Variants in POU6F2 observed in about 807,000 individuals in gnomAD.
POU6F2 encodes the protein POU class 6 homeobox 2.
POU6F2 carries 31 observed loss-of-function variants against 71.3 expected under a neutral mutation model. The ratio of observed to expected loss-of-function variants is 0.43; its 90% CI spans 0.33 to 0.59. The LOEUF (loss-of-function observed/expected upper bound fraction) is 0.59, where lower values mean the gene tolerates loss of function less well. Among genes scored for constraint, POU6F2 ranks in the 20% least tolerant of loss-of-function variants. POU6F2 has a pLI of 0.04. For synonymous variants in POU6F2, 347 were observed against 355.7 expected, an observed-to-expected ratio of 0.98 and a Z score of 0.27; for missense variants, 783 against 856.8, an observed-to-expected ratio of 0.91 and a Z score of 1.07.
At chr7:39,153,763 T>C (rs1792806743) in intron 2 of POU6F2, among the ~76,000 whole-genome samples, 1 of 152,094 alleles carries the variant, frequency 6.6e-6, no homozygotes, top group South Asian at 2.1e-4. Context: ...AATGTAAAAA[T>C]CAGTACTGTA....
intron 1 of POU6F2, among the ~76,000 whole-genome samples, chr7:39,026,931 C>G (rs575535631): frequency 6.6e-6 from 1 of 152,128 alleles, no homozygotes; most frequent in South Asian, 2.1e-4. Flanking sequence ...AATTGCCAAA[C>G]TACATAACAG....
chr7:38,982,322 A>C (rs554369605), intron 1 of POU6F2, among the ~76,000 whole-genome samples: 8 of 152,280 alleles, frequency 5.3e-5, no homozygotes, highest in African/African-American at 1.9e-4. Context: ...TTTATTGAGA[A>C]TACTTTTTCC....
intron 4 of POU6F2, among the ~76,000 whole-genome samples, chr7:39,295,320 G>C (rs906105431): frequency 2.6e-5 from 4 of 152,132 alleles, no homozygotes; most frequent in African/African-American, 9.7e-5. Flanking sequence ...ACAATAAGAA[G>C]TTGGATATGG....
intron 1 of POU6F2, among the ~76,000 whole-genome samples, chr7:39,015,577 A>G (rs1173226957): frequency 2.8e-5 from 3 of 107,230 alleles, no homozygotes; most frequent in South Asian, 5.6e-4. Flanking sequence ...TTATAGATAT[A>G]TCTATGTTTT....
chr7:39,049,748 A>T (rs1449029179), intron 1 of POU6F2, among the ~76,000 whole-genome samples: 4 of 152,014 alleles, frequency 2.6e-5, no homozygotes, highest in African/African-American at 9.7e-5. Flanking sequence ...TTGGATTTTT[A>T]AAATAATTTC....
At chr7:39,250,810 T>C (rs1479606145) in intron 4 of POU6F2, among the ~76,000 whole-genome samples, 1 of 152,194 alleles carries the variant, frequency 6.6e-6, no homozygotes, top group Admixed American at 6.5e-5. Context: ...AAAATTATCT[T>C]TATATAAAAG....
intron 5 of POU6F2, among the ~76,000 whole-genome samples, chr7:39,389,571 G>T (rs1372833246): frequency 6.6e-6 from 1 of 152,148 alleles, no homozygotes; most frequent in Non-Finnish European, 1.5e-5. Context: ...GGTTAAAAAA[G>T]AAGCTGTGGT....
intron 1 of POU6F2, among the ~76,000 whole-genome samples, chr7:39,042,024 T>C (rs1386531674): frequency 6.6e-6 from 1 of 151,952 alleles, no homozygotes; most frequent in African/African-American, 2.4e-5. Context: ...TGACACAGCC[T>C]CTTGTCTTCT....
chr7:39,165,439 G>A (rs563993002), intron 2 of POU6F2, among the ~76,000 whole-genome samples: 5 of 152,218 alleles, frequency 3.3e-5, no homozygotes, highest in African/African-American at 1.2e-4. Flanking sequence ...AGCCAATAGT[G>A]GCAGTTTCGT....
chr7:39,380,724 C>T (rs1207290827), intron 5 of POU6F2, among the ~76,000 whole-genome samples: 2 of 152,160 alleles, frequency 1.3e-5, no homozygotes, highest in African/African-American at 4.8e-5. Flanking sequence ...GAAAAGCTGC[C>T]GAAGTGCTGC....
intron 4 of POU6F2, among the ~76,000 whole-genome samples, chr7:39,285,131 C>T (rs1784630253): frequency 6.6e-6 from 1 of 152,232 alleles, no homozygotes; most frequent in Non-Finnish European, 1.5e-5. Context: ...ATCCCCAAGT[C>T]TTCAGACTCC....
chr7:39,056,373 T>C (rs1449514859), intron 1 of POU6F2, among the ~76,000 whole-genome samples: 3 of 152,196 alleles, frequency 2.0e-5, no homozygotes, highest in Admixed American at 6.5e-5. Context: ...TCTTGTTTTA[T>C]AGAGGTTATT....
chr7:39,286,141 G>C (rs912309510), intron 4 of POU6F2, among the ~76,000 whole-genome samples: 1 of 152,182 alleles, frequency 6.6e-6, no homozygotes, highest in Admixed American at 6.5e-5. Context: ...TGGGAAGTGG[G>C]AAGTGGGGAG....
At chr7:39,461,592 C>A (rs1210155386) in intron 9 of POU6F2, among the ~76,000 whole-genome samples, 1 of 152,146 alleles carries the variant, frequency 6.6e-6, no homozygotes, top group Non-Finnish European at 1.5e-5. Flanking sequence ...TTTTTATCTG[C>A]TCTTTATACT....
At chr7:39,216,195 G>T (rs757427502) in intron 4 of POU6F2, among the ~76,000 whole-genome samples, 2 of 152,142 alleles carry the variant, frequency 1.3e-5, no homozygotes, top group Non-Finnish European at 2.9e-5. Context: ...ATGACAAGGC[G>T]CTGTGTCCAA....
chr7:39,108,114 A>G (rs1266067230), intron 2 of POU6F2, among the ~76,000 whole-genome samples: 2 of 152,202 alleles, frequency 1.3e-5, no homozygotes, highest in Non-Finnish European at 2.9e-5. Flanking sequence ...GTTATTTAAC[A>G]TGGGATCCTC....
At position 39,464,267 on chromosome 7, in the gene POU6F2, C is replaced by G. The variant is rs771026663; in HGVS notation, c.1744C>G (p.Pro582Ala). 4.3e-6 allele frequency: 7 copies of G among 1,614,016 alleles called. No individual in the cohort carries two copies. The highest frequency in any genetic ancestry group is 1.1e-5 in the South Asian group (1 of 91,086). Residue 582 changes from proline (P) to alanine (A), a missense_variant, in exon 10 of 10, where the codon CCT becomes GCT. Around this residue, in one of 2 missense-constraint regions of POU6F2, gnomAD observed 211 missense variants for 283.9 expected, o/e 0.74. Coordinates refer to ENST00000518318, the MANE Select transcript of POU6F2 (RefSeq NM_001370959.1). This position sits in a 1 kb window ranked among gnomAD's most constrained non-coding sequence, Gnocchi z 4.1. ...IASSLTAKLN[P>A]GLLYPARFEK... ...TAGCAGTCTGACAGCCAAACTGAAC[C>G]CTGGCCTTTTGTATCCTGCCAGGTT...
intron 7 of POU6F2, among the ~76,000 whole-genome samples, chr7:39,436,234 A>T (rs1380372461): frequency 6.6e-6 from 1 of 152,118 alleles, no homozygotes; most frequent in African/African-American, 2.4e-5. Flanking sequence ...TTTTCACAAT[A>T]TTGATTCTTC....
Position 39,466,726 on chromosome 7 carries a change from TC to T in POU6F2, c.*2041del, listed in dbSNP as rs1209330782. The T allele has an allele frequency of 6.6e-6, 1 of 152,218 alleles. No homozygotes were observed. Among genetic ancestry groups the T allele is most frequent in the Non-Finnish European group, 1.5e-5 (1 of 68,050 alleles). 9.4% of individuals were successfully genotyped at this position (152,218 alleles called of 1,614,324 possible). A position where few individuals can be genotyped will look rare whatever the true frequency, so the allele number is the denominator to read the frequency against. On this transcript the variant is annotated 3_prime_UTR_variant, in exon 10 of 10. Coordinates refer to ENST00000518318, the MANE Select transcript of POU6F2 (RefSeq NM_001370959.1). ...ATCAAGAGACTACCAGCAAGGAAACTCTAAAAGGAATCCTGGAAGTGGAACA... is the reference window on the plus strand; with the variant it reads ...ATCAAGAGACTACCAGCAAGGAAACTTAAAAGGAATCCTGGAAGTGGAACA...
Sources: allele counts gnomAD v4.1 joint callset (sites outside exome capture counted in the v4.1 genomes callset), GRCh38; gene constraint gnomAD v4.1.1; regional missense constraint gnomAD v4.1.1; non-coding constraint Gnocchi (gnomAD v3.1); transcripts MANE v1.5; gene names NCBI Gene and HGNC (gene_info 2026-07-23, HGNC 2026-07-21).